Variants in LOC128462377 observed in about 807,000 individuals in gnomAD.
At chr16:89,415,833 A>AAAAAAAAAAAAAAAAAAAC in the LOC128462377 span, among the ~76,000 whole-genome samples, 2 of 138,490 alleles carry the variant, frequency 1.4e-5, no homozygotes, top group East Asian at 4.2e-4. Flanking sequence ...CTGTCTCAAA[A>AAAAAAAAAAAAAAAAAAAC]AAAAAAAAAA....
the LOC128462377 span, among the ~76,000 whole-genome samples, chr16:89,366,826 G>A: frequency 6.6e-6 from 1 of 152,184 alleles, no homozygotes; most frequent in Non-Finnish European, 1.5e-5. Context: ...TTTCTGGAAG[G>A]GTCCAGATGA....
the LOC128462377 span, among the ~76,000 whole-genome samples, chr16:89,337,007 CAAAAAAAAAA>C: frequency 7.0e-3 from 333 of 47,748 alleles, 3 homozygotes; most frequent in African/African-American, 0.025. Context: ...CTGGCTCTAC[CAAAAAAAAAA>C]AAAAAAAAAA....
the LOC128462377 span, among the ~76,000 whole-genome samples, chr16:89,322,799 A>G: frequency 0.021 from 3,223 of 152,376 alleles, 110 homozygotes; most frequent in African/African-American, 0.073. Context: ...GCCTGCCTGC[A>G]GCACACGGCC....
At chr16:89,376,630 G>T in the LOC128462377 span, among the ~76,000 whole-genome samples, 18 of 152,194 alleles carry the variant, frequency 1.2e-4, no homozygotes, top group Non-Finnish European at 2.4e-4. Context: ...CAGAGACGAG[G>T]GTTTCACCAT....
At chr16:89,344,603 G>A in the LOC128462377 span, among the ~76,000 whole-genome samples, 9 of 152,350 alleles carry the variant, frequency 5.9e-5, no homozygotes, top group African/African-American at 1.2e-4. Flanking sequence ...CAATGCAAGC[G>A]TCCGGGAGGA....
chr16:89,328,539 T>C, the LOC128462377 span, among the ~76,000 whole-genome samples: 337 of 151,612 alleles, frequency 2.2e-3, 3 homozygotes, highest in African/African-American at 7.9e-3. Context: ...CCCAAGCGTA[T>C]GGGTGAATCT....
chr16:89,381,447 A>T, the LOC128462377 span, among the ~76,000 whole-genome samples: 1 of 152,090 alleles, frequency 6.6e-6, no homozygotes, highest in Non-Finnish European at 1.5e-5. Flanking sequence ...GGGTTATTGT[A>T]TAAGGAGCAA....
the LOC128462377 span, among the ~76,000 whole-genome samples, chr16:89,376,053 C>T: frequency 2.6e-5 from 4 of 152,198 alleles, no homozygotes; most frequent in South Asian, 4.1e-4. Context: ...AAGCCATCAC[C>T]GCAGCTACAG....
the LOC128462377 span, among the ~76,000 whole-genome samples, chr16:89,400,884 A>T: frequency 1.3e-5 from 2 of 152,022 alleles, 1 homozygote. Flanking sequence ...CACACCTTGG[A>T]CGCCTGTCGC....
At chr16:89,416,105 TA>T in the LOC128462377 span, among the ~76,000 whole-genome samples, 1 of 152,094 alleles carries the variant, frequency 6.6e-6, no homozygotes. Flanking sequence ...CAAATGGCAT[TA>T]AACACCTTAG....
chr16:89,363,621 A>G, the LOC128462377 span, among the ~76,000 whole-genome samples: 3 of 152,070 alleles, frequency 2.0e-5, no homozygotes, highest in African/African-American at 7.2e-5. Context: ...ATTCAAACGC[A>G]CTCTGTGTGC....
At chr16:89,328,082 G>A in the LOC128462377 span, among the ~76,000 whole-genome samples, 16 of 152,334 alleles carry the variant, frequency 1.1e-4, no homozygotes, top group East Asian at 1.9e-4. Context: ...AGAGGTGCAC[G>A]TGGTGAACAA....
At chr16:89,357,481 A>G in the LOC128462377 span, among the ~76,000 whole-genome samples, 1 of 152,202 alleles carries the variant, frequency 6.6e-6, no homozygotes, top group Non-Finnish European at 1.5e-5. Flanking sequence ...ACAAATTACA[A>G]AAGGACTAAG....
chr16:89,396,384 G>C, the LOC128462377 span, among the ~76,000 whole-genome samples: 1 of 152,110 alleles, frequency 6.6e-6, no homozygotes, highest in African/African-American at 2.4e-5. Context: ...CGCACTCGCC[G>C]CAAGAGAGAC....
At chr16:89,327,659 C>T in the LOC128462377 span, among the ~76,000 whole-genome samples, 2 of 152,004 alleles carry the variant, frequency 1.3e-5, no homozygotes, top group African/African-American at 4.8e-5. Flanking sequence ...ATACACAGTA[C>T]CATTCTATTT....
chr16:89,357,839 GTAC>G, the LOC128462377 span, among the ~76,000 whole-genome samples: 15 of 152,228 alleles, frequency 9.9e-5, no homozygotes, highest in Non-Finnish European at 1.9e-4. Context: ...GCTGCTGAAG[GTAC>G]TGGAAGCCAG....
At chr16:89,403,836 G>C in the LOC128462377 span, 1 of 152,194 alleles carries the variant, frequency 6.6e-6, no homozygotes, top group African/African-American at 2.4e-5. Flanking sequence ...GGAAGGCTGA[G>C]GAAGGGGCAT....
the LOC128462377 span, among the ~76,000 whole-genome samples, chr16:89,366,432 T>C: frequency 6.6e-6 from 1 of 152,204 alleles, no homozygotes; most frequent in East Asian, 1.9e-4. Context: ...TGAACTAATT[T>C]ACACTCCTGC....
At chr16:89,372,240 A>T in the LOC128462377 span, among the ~76,000 whole-genome samples, 1 of 152,348 alleles carries the variant, frequency 6.6e-6, no homozygotes, top group Admixed American at 6.5e-5. Context: ...GGAAAGAGCC[A>T]CACGTCCTCC....
Sources: gnomAD v4.1 joint callset for allele counts (sites outside exome capture counted in the v4.1 genomes callset) on GRCh38, gnomAD v4.1.1 for gene constraint, MANE v1.5 for transcripts.